The following CRAMP1 variants were observed in gnomAD, a reference collection of about 807,000 sequenced individuals.
CRAMP1 encodes the protein cramped chromatin regulator 1, also known as protein cramped-like.
A neutral mutation model predicts 115.4 loss-of-function variants in CRAMP1; 50 were observed. The ratio of observed to expected loss-of-function variants is 0.43; its 90% CI spans 0.35 to 0.55. CRAMP1 has a LOEUF of 0.55. Ranked by LOEUF, CRAMP1 falls within the 20% of genes least tolerant of loss-of-function variation. CRAMP1 has a pLI of 0.01. For synonymous variants in CRAMP1, 866 were observed against 745.4 expected, an observed-to-expected ratio of 1.16 and a Z score of -2.64; for missense variants, 1,679 against 1,721.7, an observed-to-expected ratio of 0.98 and a Z score of 0.44.
chr16:1,629,398 C>G (rs2036531217), intron 3 of CRAMP1, among the ~76,000 whole-genome samples: 1 of 152,230 alleles, frequency 6.6e-6, no homozygotes, highest in Admixed American at 6.5e-5. Flanking sequence ...CCCTGCCCAT[C>G]TTTTGTTCTC....
intron 20 of CRAMP1, 132 bp from the exon 21 acceptor site, chr16:1,673,749 G>T (rs1318949705): frequency 6.5e-6 from 5 of 767,082 alleles, no homozygotes; most frequent in Non-Finnish European, 1.1e-5. Context: ...ACAGAGCCCT[G>T]GGCTGCCATC....
At chr16:1,650,512 C>T (rs561687563) in intron 6 of CRAMP1, among the ~76,000 whole-genome samples, 1 of 152,304 alleles carries the variant, frequency 6.6e-6, no homozygotes, top group East Asian at 1.9e-4. Context: ...AAATATAAGA[C>T]CCTCTTCACC....
At chr16:1,644,227 A>G (rs760833885) in intron 6 of CRAMP1, among the ~76,000 whole-genome samples, 11 of 152,162 alleles carry the variant, frequency 7.2e-5, no homozygotes, top group Non-Finnish European at 1.6e-4. Flanking sequence ...CACCTGTCGT[A>G]TTGTCATCCT....
At chr16:1,624,748 T>C (rs943830865) in intron 2 of CRAMP1, among the ~76,000 whole-genome samples, 3 of 152,108 alleles carry the variant, frequency 2.0e-5, no homozygotes, top group African/African-American at 4.8e-5. Flanking sequence ...GCCCAGCTAA[T>C]ATTTTTTGTG....
chr16:1,677,397 C>G lies in CRAMP1; in HGVS notation c.*3352C>G, dbSNP rs1433885650. The stretch of plus-strand genomic sequence containing the variant: ...GGCGGAGGTTGCAGTGAGTCGAGAT[C>G]GCGCCAGTGCACTCCAGCCTGGGCA... On this transcript the variant is annotated 3_prime_UTR_variant, in exon 21 of 21. Transcript: ENST00000397412. The G allele has an allele frequency of 6.6e-6, 1 of 152,200 alleles. No homozygotes were observed. The highest frequency in any genetic ancestry group is 1.5e-5 in the Non-Finnish European group (1 of 68,058). The allele number at this position is 152,200 out of a possible 1,614,324, so 9.4% of individuals were successfully genotyped here.
At chr16:1,648,646 T>A (rs563439250) in intron 6 of CRAMP1, among the ~76,000 whole-genome samples, 1 of 152,122 alleles carries the variant, frequency 6.6e-6, no homozygotes, top group African/African-American at 2.4e-5. Flanking sequence ...TAATGACTGC[T>A]TTTGACCAAT....
rs1338808194 is a variant in CRAMP1, at chr16:1,669,732, G to A, written c.3499+567G>A. 6.6e-6 allele frequency among the ~76,000 whole-genome samples: 1 copy of A among 152,208 alleles called. No homozygotes were observed. The highest frequency in any genetic ancestry group is 2.4e-5 in the African/African-American group (1 of 41,468). Reference sequence around the variant, plus strand: ...GTATCAGGGAAAGGCACACCCTGCTGCTGTTGCCTGCCCAGAGAGAGCTCC... The same window carrying A: ...GTATCAGGGAAAGGCACACCCTGCTACTGTTGCCTGCCCAGAGAGAGCTCC... On this transcript the variant is annotated intron_variant, in intron 19 of 20. Transcript: ENST00000397412. The surrounding 1 kb of genome is among the most constrained non-coding windows in gnomAD (Gnocchi z 4.6).
chr16:1,626,158 C>T lies in CRAMP1; in HGVS notation c.532C>T (p.Leu178=). The T allele has an allele frequency of 6.6e-7, 1 of 1,514,126 alleles. No individual in the cohort carries two copies. Among genetic ancestry groups the T allele is most frequent in the African/African-American group, 1.4e-5 (1 of 72,256 alleles). 93.8% of individuals were successfully genotyped at this position (1,514,126 alleles called of 1,614,324 possible). ...GGACAAGAACACCTTCTTCGAGGGGCTGTACGAGGTGAGTAGGCTGTGGAG... is the reference window on the plus strand; with the variant it reads ...GGACAAGAACACCTTCTTCGAGGGGTTGTACGAGGTGAGTAGGCTGTGGAG... ...TEDKNTFFEG[L]YEHGKDFEAI... is the part of the protein sequence containing the mutation. The change falls in exon 3 of 21, where the codon CTG becomes TTG. Residue 178 remains leucine, a synonymous_variant. Transcript: ENST00000397412.
intron 2 of CRAMP1, among the ~76,000 whole-genome samples, chr16:1,618,080 G>A (rs891998412): frequency 4.6e-5 from 7 of 152,222 alleles, no homozygotes; most frequent in African/African-American, 1.7e-4. Flanking sequence ...CCATCTGAAA[G>A]ACATAAGTCA....
At chr16:1,629,960 A>T (rs1180512901) in intron 3 of CRAMP1, among the ~76,000 whole-genome samples, 1 of 151,898 alleles carries the variant, frequency 6.6e-6, no homozygotes, top group East Asian at 1.9e-4. Flanking sequence ...CAGTGTGTCA[A>T]GCACAATGCC....
intron 19 of CRAMP1, among the ~76,000 whole-genome samples, chr16:1,670,128 G>T (rs891333527): frequency 1.3e-5 from 2 of 151,756 alleles, no homozygotes; most frequent in Non-Finnish European, 2.9e-5. Context: ...AGCCAGGTGT[G>T]GGGGGTGCAT....
At chr16:1,655,482 T>C (rs2036763239) in intron 9 of CRAMP1, among the ~76,000 whole-genome samples, 182 bp downstream of exon 9, 1 of 152,154 alleles carries the variant, frequency 6.6e-6, no homozygotes, top group Non-Finnish European at 1.5e-5. Context: ...TGGAGCCCCC[T>C]CTGTGGCCTT....
chr16:1,624,064 T>G (rs1199605670), intron 2 of CRAMP1, among the ~76,000 whole-genome samples: 1 of 152,074 alleles, frequency 6.6e-6, no homozygotes, highest in Non-Finnish European at 1.5e-5. Context: ...GTCTGGTAGC[T>G]CTCTCTGCAA....
chr16:1,636,397 A>G (rs1567451590), intron 4 of CRAMP1, among the ~76,000 whole-genome samples: 1 of 152,006 alleles, frequency 6.6e-6, no homozygotes, highest in Non-Finnish European at 1.5e-5. Flanking sequence ...AAGAAAGAAA[A>G]AAAGAAAGTC....
In CRAMP1 at chr16:1,672,252, AAGG is replaced by A. The variant is rs2036928744; in HGVS notation, c.3645+1444_3645+1446del. On this transcript the variant is annotated intron_variant, in intron 20 of 20. Transcript: ENST00000397412. This position sits in a 1 kb window ranked among gnomAD's most constrained non-coding sequence, Gnocchi z 4.9. ...GGCACTTGGGAGTGAGTAGCAGAGA[AAGG>A]GTGCAGTTAGTATTTGTGAAACGCT... Among the ~76,000 whole-genome samples the A allele has an allele frequency of 6.6e-6, 1 of 152,232 alleles. No individual in the cohort carries two copies. The highest frequency in any genetic ancestry group is 2.1e-4 in the South Asian group (1 of 4,830).
At chr16:1,639,564 T>TA in intron 5 of CRAMP1, among the ~76,000 whole-genome samples, 1 of 152,220 alleles carries the variant, frequency 6.6e-6, no homozygotes, top group East Asian at 1.9e-4. Context: ...GTTACAAAGT[T>TA]ACACTTCTTT....
intron 13 of CRAMP1, among the ~76,000 whole-genome samples, chr16:1,664,705 G>A (rs1035630290): frequency 6.6e-6 from 1 of 151,950 alleles, no homozygotes; most frequent in African/African-American, 2.4e-5. Context: ...CTTGAACCCA[G>A]GAGGCAGAGG....
intron 2 of CRAMP1, chr16:1,625,538 T>G (rs773720921): frequency 9.6e-5 from 15 of 155,892 alleles, no homozygotes; most frequent in Non-Finnish European, 2.1e-4. Context: ...CACGTTTGTT[T>G]CCTTGAGTTT....
intron 4 of CRAMP1, among the ~76,000 whole-genome samples, chr16:1,634,260 G>A (rs573031277): frequency 1.3e-5 from 2 of 152,342 alleles, no homozygotes; most frequent in East Asian, 1.9e-4. Flanking sequence ...CAGGCTCCTG[G>A]CGTAGACTTA....
Sources: allele counts gnomAD v4.1 joint callset (sites outside exome capture counted in the v4.1 genomes callset), GRCh38; gene constraint gnomAD v4.1.1; non-coding constraint Gnocchi (gnomAD v3.1); transcripts MANE v1.5; gene names NCBI Gene and HGNC (gene_info 2026-07-23, HGNC 2026-07-21).